CD44: variants seen among roughly 807,000 people sequenced by gnomAD.
CD44 encodes CD44 molecule (IN blood group), also known as CD44 antigen.
A neutral mutation model predicts 88.8 loss-of-function variants in CD44; 49 were observed. The observed-to-expected ratio is 0.55, with a 90% CI of 0.44 to 0.70. The LOEUF (loss-of-function observed/expected upper bound fraction) is 0.70, where lower values mean the gene tolerates loss of function less well. Among genes scored for constraint, CD44 ranks in the 30% least tolerant of loss-of-function variants. CD44 has a pLI of 0.00. For missense variants in CD44, 883 were observed against 913.8 expected, an observed-to-expected ratio of 0.97 and a Z score of 0.43; for synonymous variants, 325 against 312.3, an observed-to-expected ratio of 1.04 and a Z score of -0.43.
At chr11:35,193,373 AG>A (rs1334984689) in intron 5 of CD44, among the ~76,000 whole-genome samples, 5 of 152,244 alleles carry the variant, frequency 3.3e-5, no homozygotes, top group Admixed American at 3.3e-4. Flanking sequence ...CTTGATTTAG[AG>A]GACAGAACAT....
chr11:35,174,020 C>T (rs2133590030), intron 1 of CD44, among the ~76,000 whole-genome samples: 2 of 151,244 alleles, frequency 1.3e-5, no homozygotes, highest in Middle Eastern at 6.8e-3. Context: ...TACATACATA[C>T]ATAAAACTCA....
At chr11:35,175,729 G>C (rs1944383892) in intron 1 of CD44, among the ~76,000 whole-genome samples, 1 of 152,184 alleles carries the variant, frequency 6.6e-6, no homozygotes, top group South Asian at 2.1e-4. Context: ...TCAATGGAGA[G>C]AATGTAAGAG....
chr11:35,220,018 T>A (rs145014949), intron 16 of CD44, among the ~76,000 whole-genome samples: 136 of 152,352 alleles, frequency 8.9e-4, no homozygotes, highest in African/African-American at 2.9e-3. Flanking sequence ...GAATTAAAAT[T>A]GATTTGTCAT....
At chr11:35,154,947 C>T (rs1941653714) in intron 1 of CD44, among the ~76,000 whole-genome samples, 1 of 152,140 alleles carries the variant, frequency 6.6e-6, no homozygotes, top group African/African-American at 2.4e-5. Flanking sequence ...TCTGCCACTC[C>T]CAGTGTCTTC....
chr11:35,222,567 T>C, intron 17 of CD44: 1 of 921,150 alleles, frequency 1.1e-6, no homozygotes, highest in Non-Finnish European at 1.3e-6. Flanking sequence ...CCAAGACCTA[T>C]AGGTTTACAT....
chr11:35,145,898 C>T (rs1440033183), intron 1 of CD44, among the ~76,000 whole-genome samples: 1 of 152,234 alleles, frequency 6.6e-6, no homozygotes, highest in Admixed American at 6.5e-5. Context: ...ATCCTGACAT[C>T]CGACGGGGAG....
intron 5 of CD44, among the ~76,000 whole-genome samples, chr11:35,191,688 A>C (rs1320172747): frequency 6.6e-6 from 1 of 152,198 alleles, no homozygotes; most frequent in Non-Finnish European, 1.5e-5. Context: ...TCCTGATAAA[A>C]CATAACTTGG....
At chr11:35,168,104 C>T (rs1185567539) in intron 1 of CD44, among the ~76,000 whole-genome samples, 1 of 152,004 alleles carries the variant, frequency 6.6e-6, no homozygotes, top group East Asian at 1.9e-4. Flanking sequence ...TGGTAAAGGC[C>T]CCTATCTTGT....
chr11:35,176,145 C>T (rs537570307), intron 1 of CD44, among the ~76,000 whole-genome samples: 51 of 151,620 alleles, frequency 3.4e-4, no homozygotes, highest in African/African-American at 1.2e-3. Flanking sequence ...CAGGTTCATG[C>T]CATTCTCCTG....
intron 3 of CD44, among the ~76,000 whole-genome samples, chr11:35,184,455 G>C (rs1945456819): frequency 6.6e-6 from 1 of 152,122 alleles, no homozygotes. Flanking sequence ...CCTGGTTCCA[G>C]GTATGCACAA....
At chr11:35,211,836 C>T (rs950802302) in intron 14 of CD44, among the ~76,000 whole-genome samples, 1 of 152,072 alleles carries the variant, frequency 6.6e-6, no homozygotes, top group Non-Finnish European at 1.5e-5. Context: ...CCGTTTAATT[C>T]GACTAATATA....
In CD44 at chr11:35,206,243, G is replaced by T. The variant is rs773547745; in HGVS notation, c.1414G>T (p.Asp472Tyr). The T allele has an allele frequency of 1.9e-6, 3 of 1,592,780 alleles. No individual in the cohort carries two copies. In the South Asian group the frequency reaches 3.4e-5, roughly 18 times the overall value. The change falls in exon 11 of 18, where the codon GAT (aspartate) becomes TAT (tyrosine). Residue 472 changes from aspartate (D) to tyrosine (Y), a missense_variant and splice_region_variant. By Grantham distance (160) the Asp-to-Tyr change is radical (BLOSUM62 -3). Around this residue, in one of 2 missense-constraint regions of CD44, gnomAD observed 631 missense variants for 590.9 expected, o/e 1.07. Transcript: ENST00000428726. ...AGGTCATCAAGCAGGAAGAAGGATG[G>T]GTAATAGCCTCTGAGATTTTTATAT... is the stretch of plus-strand genomic sequence containing the variant. ...GRGHQAGRRMDMDSSHSITLQ... is the reference protein window; with the variant it reads ...GRGHQAGRRMYMDSSHSITLQ...
In CD44 at chr11:35,206,253, T is replaced by C; in HGVS notation, c.1414+10T>C. ...GCAGGAAGAAGGATGGGTAATAGCCTCTGAGATTTTTATATATTATGTTTT... is the reference window on the plus strand; with the variant it reads ...GCAGGAAGAAGGATGGGTAATAGCCCCTGAGATTTTTATATATTATGTTTT... On this transcript the variant is annotated intron_variant, in intron 11 of 17. Coordinates refer to ENST00000428726, the MANE Select transcript of CD44 (RefSeq NM_000610.4). The C allele has an allele frequency of 1.3e-6, 2 of 1,584,666 alleles. No homozygotes were observed. Among genetic ancestry groups the C allele is most frequent in the Non-Finnish European group, 1.7e-6 (2 of 1,169,770 alleles).
chr11:35,167,742 A>G (rs933250904), intron 1 of CD44, among the ~76,000 whole-genome samples: 11 of 152,152 alleles, frequency 7.2e-5, no homozygotes, highest in African/African-American at 2.4e-4. Flanking sequence ...TGGTCAGTCT[A>G]GATTTTTGGG....
chr11:35,155,812 C>T (rs961882351), intron 1 of CD44, among the ~76,000 whole-genome samples: 3 of 152,166 alleles, frequency 2.0e-5, no homozygotes, highest in African/African-American at 7.2e-5. Flanking sequence ...GATGATGACC[C>T]TCAAGGGAAA....
rs1946360728 is a variant in CD44, at chr11:35,192,515, G to A, written c.667+2450G>A. Among the ~76,000 whole-genome samples the A allele has an allele frequency of 2.0e-5, 3 of 152,206 alleles. No individual in the cohort carries two copies. In the South Asian group the frequency reaches 6.2e-4, roughly 32 times the overall value. On this transcript the variant is annotated intron_variant, in intron 5 of 17. Coordinates refer to ENST00000428726, the MANE Select transcript of CD44 (RefSeq NM_000610.4). ...TGCAGGAGGGCAGGGGTCAAGAGGAGTGCTGGCTGAGAGCACAGAAGAAGC... is the reference window on the plus strand; with the variant it reads ...TGCAGGAGGGCAGGGGTCAAGAGGAATGCTGGCTGAGAGCACAGAAGAAGC...
At position 35,204,924 on chromosome 11, in the gene CD44, A is replaced by T. The variant is rs1164727146; in HGVS notation, c.1282+284A>T. On this transcript the variant is annotated intron_variant, in intron 10 of 17. Transcript: ENST00000428726. ...CGAGTTTTGGGCATCATCTAGTGAG[A>T]TTGTAGCAGAGGCCCTGATAAAATA... 14 of 306,494 alleles carry T rather than the reference A, an allele frequency of 4.6e-5. No homozygotes were observed. The South Asian group carries it at 5.3e-4, about 12-fold the overall frequency. The allele number at this position is 306,494 out of a possible 1,614,324, so 19.0% of individuals were successfully genotyped here.
chr11:35,183,237 C>G (rs924382494), intron 3 of CD44, among the ~76,000 whole-genome samples: 2 of 151,710 alleles, frequency 1.3e-5, no homozygotes, highest in Non-Finnish European at 2.9e-5. Context: ...TTGATCACCT[C>G]TATGTGCTCA....
intron 1 of CD44, 62 bp downstream of exon 1, chr11:35,139,432 G>T: frequency 2.1e-6 from 3 of 1,451,436 alleles, no homozygotes; most frequent in South Asian, 1.2e-5. Flanking sequence ...CGGACCCGGC[G>T]GCAGCCCCTC....
Sources: gnomAD v4.1 joint callset for allele counts (sites outside exome capture counted in the v4.1 genomes callset) on GRCh38, gnomAD v4.1.1 for gene constraint, gnomAD v4.1.1 regional missense constraint, MANE v1.5 for transcripts, NCBI Gene and HGNC (gene_info 2026-07-23, HGNC 2026-07-21) for gene names.